The following PCDH11X variants were observed in gnomAD, a reference collection of about 807,000 sequenced individuals.
The protein encoded by PCDH11X is protocadherin 11 X-linked, also known as protocadherin-11 X-linked.
Under a neutral mutation model 53.3 loss-of-function variants are expected in PCDH11X, and 18 were observed. That is an observed-to-expected ratio of 0.34 (90% CI 0.23 to 0.50). PCDH11X has a LOEUF of 0.50. PCDH11X is among the 20% of genes least tolerant of loss of function. PCDH11X has a pLI of 0.98. For synonymous variants in PCDH11X, 279 were observed against 393.3 expected, an observed-to-expected ratio of 0.71 and a Z score of 3.44; for missense variants, 570 against 1,032.4, an observed-to-expected ratio of 0.55 and a Z score of 6.14.
At chrX:92,544,083 G>A (rs1452564441) in intron 10 of PCDH11X, among the ~76,000 whole-genome samples, 1 of 108,738 alleles carries the variant, frequency 9.2e-6, no homozygotes, top group African/African-American at 3.4e-5. Flanking sequence ...TGTGGCAGTT[G>A]TCAGACACCT....
chrX:91,844,203 TA>T (rs1937578719), intron 5 of PCDH11X, among the ~76,000 whole-genome samples: 1 of 111,615 alleles, frequency 9.0e-6, no homozygotes, highest in African/African-American at 3.3e-5. Context: ...TAGTTTTCCA[TA>T]CATGTTTTAT....
chrX:91,802,957 G>A (rs1408470678), intron 1 of PCDH11X, among the ~76,000 whole-genome samples: 1 of 111,363 alleles, frequency 9.0e-6, no homozygotes, highest in Non-Finnish European at 1.9e-5. Context: ...TCACTTCTCA[G>A]CCTTTTGGCT....
At chrX:91,884,164 G>A (rs1324306614) in intron 6 of PCDH11X, among the ~76,000 whole-genome samples, 5 of 91,695 alleles carry the variant, frequency 5.5e-5, no homozygotes, top group African/African-American at 1.3e-4. Context: ...GCACTCCAGC[G>A]TGGGTGACAA....
At chrX:92,191,405 A>C (rs746350718) in intron 6 of PCDH11X, among the ~76,000 whole-genome samples, 1 of 112,338 alleles carries the variant, frequency 8.9e-6, no homozygotes, top group African/African-American at 3.2e-5. Flanking sequence ...AGACCAATTT[A>C]GGTCAAAATA....
rs1928315041 is a variant in PCDH11X, at chrX:92,619,279, G to A, written c.*339G>A. The A allele has an allele frequency of 3.5e-6, 1 of 286,637 alleles. No homozygotes were observed. The highest frequency in any genetic ancestry group is 6.0e-5 in the Admixed American group (1 of 16,782). 23.6% of individuals were successfully genotyped at this position (286,637 alleles called of 1,213,427 possible). A position where few individuals can be genotyped will look rare whatever the true frequency, so the allele number is the denominator to read the frequency against. On this transcript the variant is annotated 3_prime_UTR_variant, in exon 11 of 11. Transcript: ENST00000682573. ...TTACTGATTTGTTTCCATGCTGATTGTGTGGAACCAGTATGTAGCAAATGG... is the reference window on the plus strand; with the variant it reads ...TTACTGATTTGTTTCCATGCTGATTATGTGGAACCAGTATGTAGCAAATGG...
At chrX:92,461,209 C>A (rs993390338) in intron 9 of PCDH11X, among the ~76,000 whole-genome samples, 1 of 109,577 alleles carries the variant, frequency 9.1e-6, no homozygotes, top group African/African-American at 3.3e-5. Context: ...AAAAATAATC[C>A]TAAAATTTAT....
intron 10 of PCDH11X, among the ~76,000 whole-genome samples, chrX:92,504,002 A>G (rs1353522985): frequency 1.2e-5 from 1 of 80,791 alleles, no homozygotes; most frequent in African/African-American, 4.4e-5. Context: ...GAATGTCTTC[A>G]TTTGAATCAA....
At chrX:92,008,448 C>T (rs1288115696) in intron 6 of PCDH11X, among the ~76,000 whole-genome samples, 1 of 110,418 alleles carries the variant, frequency 9.1e-6, no homozygotes, top group Non-Finnish European at 1.9e-5. Flanking sequence ...TATTTCAGCG[C>T]CTCACGATTG....
At chrX:92,094,165 GTGTGTGTGTGTA>G (rs1310001415) in intron 6 of PCDH11X, among the ~76,000 whole-genome samples, 4 of 85,004 alleles carry the variant, frequency 4.7e-5, no homozygotes, top group South Asian at 4.7e-4. Flanking sequence ...GTGTGTGTGT[GTGTGTGTGTGTA>G]TATATATATA....
At chrX:92,246,619 G>A (rs987782898) in intron 7 of PCDH11X, among the ~76,000 whole-genome samples, 1 of 111,528 alleles carries the variant, frequency 9.0e-6, no homozygotes, top group African/African-American at 3.3e-5. Context: ...CCAAAGTGCT[G>A]GGATTATAGG....
chrX:92,223,323 G>A (rs1292449402), intron 7 of PCDH11X, among the ~76,000 whole-genome samples: 2 of 111,541 alleles, frequency 1.8e-5, no homozygotes, highest in African/African-American at 3.3e-5. Context: ...CACCCACCTG[G>A]CTTTTAGCTC....
At chrX:91,838,702 G>C (rs183586623) in intron 5 of PCDH11X, among the ~76,000 whole-genome samples, 7 of 108,758 alleles carry the variant, frequency 6.4e-5, no homozygotes, top group African/African-American at 2.4e-4. Flanking sequence ...CCTTTGTCCT[G>C]CAGAATAGGA....
intron 8 of PCDH11X, among the ~76,000 whole-genome samples, chrX:92,348,511 CATT>C (rs200025065): frequency 0.039 from 3,671 of 93,524 alleles, 110 homozygotes; most frequent in African/African-American, 0.082. Context: ...TCAAAATTAT[CATT>C]ATTATTATTA....
At chrX:92,403,727 C>T (rs1264198540) in intron 9 of PCDH11X, among the ~76,000 whole-genome samples, 1 of 110,912 alleles carries the variant, frequency 9.0e-6, no homozygotes, top group Non-Finnish European at 1.9e-5. Context: ...TTTTCAAGGG[C>T]AAGGGAAATG....
chrX:91,974,935 A>G (rs190115258), intron 6 of PCDH11X, among the ~76,000 whole-genome samples: 1,385 of 109,777 alleles, frequency 0.013, 9 homozygotes, highest in Non-Finnish European at 0.02. Flanking sequence ...TATTTTTAGT[A>G]GAGATGGGGT....
At chrX:92,038,133 G>A (rs1385559800) in intron 6 of PCDH11X, among the ~76,000 whole-genome samples, 1 of 111,204 alleles carries the variant, frequency 9.0e-6, no homozygotes, top group East Asian at 2.8e-4. Flanking sequence ...CAATGTAATA[G>A]AAAAGAAAAT....
At chrX:92,205,609 T>G (rs2066462572) in intron 7 of PCDH11X, among the ~76,000 whole-genome samples, 1 of 104,150 alleles carries the variant, frequency 9.6e-6, no homozygotes, top group African/African-American at 3.5e-5. Context: ...TTTTTTTTTT[T>G]TTTTTTTTGA....
intron 6 of PCDH11X, among the ~76,000 whole-genome samples, chrX:91,951,598 G>A (rs1234827481): frequency 2.0e-5 from 2 of 99,555 alleles, no homozygotes; most frequent in Non-Finnish European, 4.1e-5. Context: ...AACTATTCCA[G>A]TCATCTAAAA....
At position 91,958,787 on chromosome X, in the gene PCDH11X, A is replaced by G. The variant is rs187473323; in HGVS notation, c.3033+79514A>G. On this transcript the variant is annotated intron_variant, in intron 6 of 10. Transcript: ENST00000682573. ...AGCTGCTTCTAATTAGCCATCTTGG[A>G]TCGTGTTTTTTGCGACATTTTTAAA... 4.3e-4 allele frequency among the ~76,000 whole-genome samples: 47 copies of G among 110,043 alleles called. 3 individuals carry two copies. Among genetic ancestry groups the G allele is most frequent in the Admixed American group, 2.9e-3 (30 of 10,277 alleles).
Sources: gnomAD v4.1 joint callset for allele counts (sites outside exome capture counted in the v4.1 genomes callset) on GRCh38, gnomAD v4.1.1 for gene constraint, MANE v1.5 for transcripts, NCBI Gene and HGNC (gene_info 2026-07-23, HGNC 2026-07-21) for gene names.